CDC14A: variants seen among roughly 807,000 people sequenced by gnomAD.
CDC14A encodes the protein cell division cycle 14A, also known as dual specificity protein phosphatase CDC14A.
A neutral mutation model predicts 74.4 loss-of-function variants in CDC14A; 53 were observed. The ratio of observed to expected loss-of-function variants is 0.71; its 90% CI spans 0.57 to 0.89. The LOEUF is 0.89. CDC14A is among the 40% of genes least tolerant of loss of function. The probability of loss-of-function intolerance (pLI) is 0.00; values close to 1 mark genes in which losing one functional copy is unlikely to be tolerated. For missense variants in CDC14A, 646 were observed against 713.7 expected (o/e 0.91, Z 1.08); for synonymous variants, 247 against 258.4 (o/e 0.96, Z 0.43).
At chr1:100,468,684 A>C (rs959524137) in intron 10 of CDC14A, among the ~76,000 whole-genome samples, 2 of 152,178 alleles carry the variant, frequency 1.3e-5, no homozygotes, top group Non-Finnish European at 2.9e-5. Flanking sequence ...ACAGCCATTC[A>C]TTCATTAACT....
chr1:100,394,409 C>T (rs186862215), intron 4 of CDC14A, among the ~76,000 whole-genome samples: 45 of 152,324 alleles, frequency 3.0e-4, no homozygotes, highest in African/African-American at 1.0e-3. Context: ...TGAGACACCA[C>T]ACCCAACCTC....
intron 10 of CDC14A, among the ~76,000 whole-genome samples, chr1:100,476,530 C>T (rs904014952): frequency 3.9e-5 from 6 of 152,050 alleles, no homozygotes; most frequent in Admixed American, 6.6e-5. Context: ...AAGGAAAACT[C>T]GAGGAACTCA....
chr1:100,468,810 T>A lies in CDC14A; in HGVS notation c.977+716T>A, dbSNP rs1668102924. ...CATTAATAAAACAAGAAGATGAAGTTAGTACTGGTTGATCTAAGTCCAGCT... is the reference window on the plus strand; with the variant it reads ...CATTAATAAAACAAGAAGATGAAGTAAGTACTGGTTGATCTAAGTCCAGCT... On this transcript the variant is annotated intron_variant, in intron 10 of 15. Transcript: ENST00000336454. 3.3e-5 allele frequency among the ~76,000 whole-genome samples: 5 copies of A among 152,354 alleles called. No homozygotes were observed. In the South Asian group the frequency reaches 1.0e-3, roughly 32 times the overall value.
upstream of CDC14A, chr1:100,351,822 A>G: frequency 6.5e-7 from 1 of 1,543,812 alleles, no homozygotes; most frequent in Non-Finnish European, 8.8e-7. Flanking sequence ...TGTGTAGAGG[A>G]AACCAATACA....
chr1:100,517,801 G>A (rs1021413388), intron 15 of CDC14A, among the ~76,000 whole-genome samples: 3 of 152,100 alleles, frequency 2.0e-5, no homozygotes, highest in African/African-American at 7.2e-5. Context: ...TTATTTAAAT[G>A]GCTGCTAATT....
intron 4 of CDC14A, chr1:100,393,085 A>G: frequency 7.0e-7 from 1 of 1,435,712 alleles, no homozygotes; most frequent in South Asian, 1.2e-5. Context: ...TTGCTGTTTA[A>G]TTTGATAGAT....
chr1:100,352,623 A>G lies in CDC14A; in HGVS notation c.-332A>G, dbSNP rs1651220712. On this transcript the variant is annotated 5_prime_UTR_variant, in exon 1 of 16. Coordinates refer to ENST00000336454, the MANE Select transcript of CDC14A (RefSeq NM_003672.4). ...TGATCACTTTGGAAGCCGGGGGAAG[A>G]CTTTGCCCTGCCCTGAGAGCTGGTC... 4 of 1,182,744 alleles carry G rather than the reference A, an allele frequency of 3.4e-6. No individual in the cohort carries two copies. The highest frequency in any genetic ancestry group is 4.2e-6 in the Non-Finnish European group (4 of 953,726). 73.3% of individuals were successfully genotyped at this position (1,182,744 alleles called of 1,614,324 possible). A position where few individuals can be genotyped will look rare whatever the true frequency, so the allele number is the denominator to read the frequency against.
intron 15 of CDC14A, chr1:100,505,080 A>G: frequency 2.5e-6 from 2 of 784,816 alleles, no homozygotes; most frequent in Non-Finnish European, 3.8e-6. Context: ...CATTTCAAAA[A>G]GTTCTTTTAT....
intron 4 of CDC14A, among the ~76,000 whole-genome samples, chr1:100,413,564 C>T (rs1463049232): frequency 5.3e-5 from 8 of 152,272 alleles, no homozygotes; most frequent in Non-Finnish European, 1.0e-4. Context: ...CTACCACCTT[C>T]TCTCTTCGAG....
intron 7 of CDC14A, among the ~76,000 whole-genome samples, chr1:100,447,394 C>G (rs1164922963): frequency 2.6e-5 from 4 of 152,184 alleles, no homozygotes; most frequent in Non-Finnish European, 5.9e-5. Flanking sequence ...TGTACAGTTC[C>G]TTACATTTGC....
intron 5 of CDC14A, among the ~76,000 whole-genome samples, chr1:100,426,163 G>A (rs1358804351): frequency 2.0e-5 from 3 of 152,080 alleles, no homozygotes; most frequent in East Asian, 1.9e-4. Flanking sequence ...TTACTCTGTC[G>A]CCCAGGCTGG....
intron 2 of CDC14A, among the ~76,000 whole-genome samples, chr1:100,360,545 A>T (rs1652615328): frequency 3.3e-5 from 5 of 151,348 alleles, no homozygotes; most frequent in Admixed American, 3.3e-4. Context: ...GGGTTTCACC[A>T]TGTTGACCAG....
intron 3 of CDC14A, among the ~76,000 whole-genome samples, chr1:100,389,479 A>G (rs533593774): frequency 6.2e-5 from 9 of 144,096 alleles, no homozygotes; most frequent in East Asian, 5.8e-4. Context: ...ATATATGTGT[A>G]TATATATATA....
intron 4 of CDC14A, among the ~76,000 whole-genome samples, chr1:100,420,053 C>CATATATAT (rs1420823843): frequency 1.6e-4 from 3 of 18,370 alleles, no homozygotes; most frequent in Admixed American, 5.7e-4. Flanking sequence ...CACACACACA[C>CATATATAT]ACACACACAC....
chr1:100,454,654 G>A (rs982411250), intron 7 of CDC14A, among the ~76,000 whole-genome samples: 23 of 152,136 alleles, frequency 1.5e-4, no homozygotes, highest in African/African-American at 5.3e-4. Flanking sequence ...CAATGGGCAT[G>A]TTTTATTTGG....
chr1:100,466,877 A>AG (rs1042168010), intron 9 of CDC14A, among the ~76,000 whole-genome samples: 1 of 149,698 alleles, frequency 6.7e-6, no homozygotes, highest in Admixed American at 6.6e-5. Flanking sequence ...TCTCCAAAAA[A>AG]AAAAAAAAAA....
rs1286400622 is a variant in CDC14A, at chr1:100,484,365, A to G, written c.1051A>G (p.Ser351Gly). 6.2e-7 allele frequency: 1 copy of G among 1,606,996 alleles called. No homozygotes were observed. Among genetic ancestry groups the G allele is most frequent in the East Asian group, 2.3e-5 (1 of 44,308 alleles). ...KLKNRPSSEG[S>G]INKILSGLDD... The stretch of plus-strand genomic sequence containing the variant: ...GAAAAATCGACCATCCAGTGAAGGA[A>G]GTATTAATAAAATTCTTTCTGGCCT... Residue 351 changes from serine (S) to glycine (G), a missense_variant, in exon 11 of 16, where the codon AGT (serine) becomes GGT (glycine). Ser to Gly is a moderately conservative substitution (Grantham distance 56). Coordinates refer to ENST00000336454, the MANE Select transcript of CDC14A (RefSeq NM_003672.4).
In CDC14A at chr1:100,362,342, T is replaced by C. The variant is rs373497174; in HGVS notation, c.140+8490T>C. 3.9e-5 allele frequency among the ~76,000 whole-genome samples: 6 copies of C among 152,334 alleles called. No homozygotes were observed. In the East Asian group the frequency reaches 9.6e-4, roughly 24 times the overall value. On this transcript the variant is annotated intron_variant, in intron 2 of 15. Transcript: ENST00000336454. ...TTTAATTTTTCAAAGAATATTGCTT[T>C]TCTACAATGAAGAAATTCAAACCTA...
At chr1:100,345,748 G>GT (rs915008524) in intron 1 of CDC14A, among the ~76,000 whole-genome samples, 1 of 152,202 alleles carries the variant, frequency 6.6e-6, no homozygotes, top group African/African-American at 2.4e-5. Flanking sequence ...GGCAACCAAT[G>GT]TAAGAACTGA....
Sources: allele counts gnomAD v4.1 joint callset (sites outside exome capture counted in the v4.1 genomes callset), GRCh38; gene constraint gnomAD v4.1.1; transcripts MANE v1.5; gene names NCBI Gene and HGNC (gene_info 2026-07-23, HGNC 2026-07-21).